CFAP61: variants seen among roughly 807,000 people sequenced by gnomAD.
The protein encoded by CFAP61 is cilia- and flagella-associated protein 61.
In CFAP61, 107 loss-of-function variants were observed where a neutral mutation model predicts 135.6. That is an observed-to-expected ratio of 0.79 (90% CI 0.67 to 0.93). The LOEUF (loss-of-function observed/expected upper bound fraction) is 0.93, where lower values mean the gene tolerates loss of function less well. Among genes scored for constraint, CFAP61 ranks in the 40% least tolerant of loss-of-function variants. CFAP61 has a pLI of 0.00. For synonymous variants in CFAP61, 575 were observed against 578.5 expected (o/e 0.99, Z 0.09); for missense variants, 1,507 against 1,556.2 (o/e 0.97, Z 0.53).
At chr20:20,088,717 G>A (rs373914281) in intron 6 of CFAP61, among the ~76,000 whole-genome samples, 3 of 152,082 alleles carry the variant, frequency 2.0e-5, no homozygotes, top group Non-Finnish European at 4.4e-5. Flanking sequence ...CTCCCATCCC[G>A]AGTTGTCATC....
chr20:20,359,728 T>C lies in CFAP61; in HGVS notation c.3514-482T>C, dbSNP rs2059407079. On this transcript the variant is annotated intron_variant, in intron 26 of 26. Coordinates refer to ENST00000245957, the MANE Select transcript of CFAP61 (RefSeq NM_015585.4). The surrounding 1 kb of genome is among the most constrained non-coding windows in gnomAD (Gnocchi z 4.0). ...GTATGATCTACAGATGATTTTTATC[T>C]GAAAATGAAGGGCTTGAAATGACTA... Among the ~76,000 whole-genome samples, 1 of 152,146 alleles carries C rather than the reference T, an allele frequency of 6.6e-6. No homozygotes were observed. Among genetic ancestry groups the C allele is most frequent in the South Asian group, 2.1e-4 (1 of 4,826 alleles).
intron 8 of CFAP61, among the ~76,000 whole-genome samples, chr20:20,104,905 A>G (rs935278625): frequency 2.6e-5 from 4 of 152,194 alleles, no homozygotes; most frequent in Admixed American, 1.3e-4. Context: ...GACACCAGTC[A>G]CAATGCATTA....
At chr20:20,321,663 C>G (rs2057523327) in intron 25 of CFAP61, among the ~76,000 whole-genome samples, 1 of 152,142 alleles carries the variant, frequency 6.6e-6, no homozygotes. Flanking sequence ...CCCCACAGCT[C>G]CCATGTTTAC....
intron 25 of CFAP61, among the ~76,000 whole-genome samples, chr20:20,338,422 TC>T (rs751352115): frequency 1.3e-5 from 2 of 152,196 alleles, no homozygotes; most frequent in African/African-American, 2.4e-5. Context: ...CACTTTTTTT[TC>T]ATGCCAAGAG....
At chr20:20,247,727 T>G (rs1219660946) in intron 19 of CFAP61, among the ~76,000 whole-genome samples, 1 of 152,184 alleles carries the variant, frequency 6.6e-6, no homozygotes, top group African/African-American at 2.4e-5. Flanking sequence ...CACCTTTTAT[T>G]ATTTTTGCCC....
chr20:20,236,625 C>T (rs1024169496), intron 18 of CFAP61, among the ~76,000 whole-genome samples: 1 of 152,174 alleles, frequency 6.6e-6, no homozygotes, highest in Non-Finnish European at 1.5e-5. Context: ...AAGTCTCATG[C>T]TTAAACTATC....
At chr20:20,321,159 A>T (rs1161239402) in intron 25 of CFAP61, among the ~76,000 whole-genome samples, 1 of 152,156 alleles carries the variant, frequency 6.6e-6, no homozygotes, top group African/African-American at 2.4e-5. Context: ...TATTTGGGAA[A>T]TTGGGAGAGA....
chr20:20,323,174 T>C (rs1385310817), intron 25 of CFAP61: 9 of 985,462 alleles, frequency 9.1e-6, no homozygotes, highest in Non-Finnish European at 1.1e-5. Context: ...TGAGCCAGTA[T>C]ACCTTTAAAG....
intron 16 of CFAP61, among the ~76,000 whole-genome samples, chr20:20,198,946 C>G (rs1051893254): frequency 3.9e-5 from 6 of 152,096 alleles, no homozygotes; most frequent in African/African-American, 1.4e-4. Context: ...TACAGTCTAA[C>G]TCTTCAGATT....
chr20:20,163,957 A>G (rs2053611747), intron 10 of CFAP61, 93 bp from the exon 11 acceptor site: 1 of 1,027,394 alleles, frequency 9.7e-7, no homozygotes, highest in Non-Finnish European at 1.4e-6. Context: ...TGTCCTCAGA[A>G]CGGTGTCATG....
At chr20:20,278,871 A>G (rs1399045401) in intron 22 of CFAP61, among the ~76,000 whole-genome samples, 2 of 152,216 alleles carry the variant, frequency 1.3e-5, no homozygotes, top group Non-Finnish European at 2.9e-5. Flanking sequence ...ATATTTATTG[A>G]ACACCTGCTA....
At chr20:20,302,746 ATT>A (rs2056187561) in intron 25 of CFAP61, among the ~76,000 whole-genome samples, 1 of 152,218 alleles carries the variant, frequency 6.6e-6, no homozygotes, top group Admixed American at 6.5e-5. Flanking sequence ...AGTGTTCAAA[ATT>A]AAGTGTGTAA....
chr20:20,171,886 G>A, intron 13 of CFAP61: 1 of 643,128 alleles, frequency 1.6e-6, no homozygotes, highest in Non-Finnish European at 2.8e-6. Flanking sequence ...TCTTCCTTGT[G>A]CTCAGAGCTA....
At chr20:20,225,752 C>T (rs1364270190) in intron 17 of CFAP61, among the ~76,000 whole-genome samples, 4 of 152,162 alleles carry the variant, frequency 2.6e-5, no homozygotes, top group Non-Finnish European at 4.4e-5. Flanking sequence ...ACTAGACCTG[C>T]GATTAGATGC....
chr20:20,190,004 C>T (rs930385652), intron 14 of CFAP61, among the ~76,000 whole-genome samples: 3 of 152,108 alleles, frequency 2.0e-5, no homozygotes, highest in Admixed American at 1.3e-4. Flanking sequence ...AGGCTGGTCT[C>T]GAACTCCTGG....
rs6106207 is a variant in CFAP61, at chr20:20,205,275, C to T, written c.1932+5373C>T. 2.5e-3 allele frequency among the ~76,000 whole-genome samples: 382 copies of T among 152,222 alleles called. 2 individuals are homozygous for T. The highest frequency in any genetic ancestry group is 8.3e-3 in the African/African-American group (344 of 41,520). On this transcript the variant is annotated intron_variant, in intron 17 of 26. Transcript: ENST00000245957. ...TTCCCATGGAGTTTCTCATCTAGTCCTCTCATCAGCACATGTAAACAGTTA... is the reference window on the plus strand; with the variant it reads ...TTCCCATGGAGTTTCTCATCTAGTCTTCTCATCAGCACATGTAAACAGTTA...
At position 20,354,312 on chromosome 20, in the gene CFAP61, G is replaced by A. The variant is rs924228896; in HGVS notation, c.3514-5898G>A. Among the ~76,000 whole-genome samples, 13 of 152,108 alleles carry A rather than the reference G, an allele frequency of 8.5e-5. No individual in the cohort carries two copies. In the East Asian group the frequency reaches 1.4e-3, roughly 16 times the overall value. ...AGGTCAGGAGTTCAAGAGCAGCCTC[G>A]CAAACATGGTGAAACCTCGTCTGTA... On this transcript the variant is annotated intron_variant, in intron 26 of 26. Transcript: ENST00000245957.
At position 20,201,734 on chromosome 20, in the gene CFAP61, G is replaced by A. The variant is rs114487866; in HGVS notation, c.1932+1832G>A. Among the ~76,000 whole-genome samples the A allele has an allele frequency of 4.2e-3, 643 of 152,338 alleles. 10 individuals carry two copies. The highest frequency in any genetic ancestry group is 0.015 in the African/African-American group (624 of 41,574). ...GCTGGGCATAGAAGTACATGGATGT[G>A]CCAGGCGTACAACCTTGCAGCTTCC... On this transcript the variant is annotated intron_variant, in intron 17 of 26. Coordinates refer to ENST00000245957, the MANE Select transcript of CFAP61 (RefSeq NM_015585.4).
intron 25 of CFAP61, among the ~76,000 whole-genome samples, chr20:20,320,981 C>T (rs1316921484): frequency 6.6e-6 from 1 of 151,338 alleles, no homozygotes; most frequent in Non-Finnish European, 1.5e-5. Context: ...GCTGCTGGAA[C>T]AGTTTGAAAA....
Sources: gnomAD v4.1 joint callset for allele counts (sites outside exome capture counted in the v4.1 genomes callset) on GRCh38, gnomAD v4.1.1 for gene constraint, Gnocchi (gnomAD v3.1) non-coding constraint, MANE v1.5 for transcripts, NCBI Gene and HGNC (gene_info 2026-07-23, HGNC 2026-07-21) for gene names.